GRIK3: variants seen among roughly 807,000 people sequenced by gnomAD.
The protein encoded by GRIK3 is glutamate receptor ionotropic, kainate 3.
In GRIK3, 29 loss-of-function variants were observed where a neutral mutation model predicts 102.5. That is an observed-to-expected ratio of 0.28 (90% CI 0.21 to 0.39). The LOEUF is 0.39. Among genes scored for constraint, GRIK3 ranks in the 10% least tolerant of loss-of-function variants. GRIK3 has a pLI of 1.00. For missense variants in GRIK3, 908 were observed against 1,252.4 expected (o/e 0.73, Z 4.15); for synonymous variants, 511 against 504.9 (o/e 1.01, Z -0.16).
At chr1:36,885,142 T>G (rs1028866250) in intron 2 of GRIK3, among the ~76,000 whole-genome samples, 2 of 152,208 alleles carry the variant, frequency 1.3e-5, no homozygotes, top group African/African-American at 4.8e-5. Flanking sequence ...GATGTTGTGA[T>G]AGTAATGGCG....
chr1:36,881,368 C>G (rs542709705), intron 2 of GRIK3, among the ~76,000 whole-genome samples: 1 of 152,286 alleles, frequency 6.6e-6, no homozygotes, highest in East Asian at 1.9e-4. Context: ...AGTTGGATAT[C>G]TGACATGCAT....
At chr1:36,861,113 C>G (rs1305350913) in intron 5 of GRIK3, among the ~76,000 whole-genome samples, 2 of 152,218 alleles carry the variant, frequency 1.3e-5, no homozygotes, top group Non-Finnish European at 2.9e-5. Context: ...CGCAACCCTA[C>G]CTGAAATACC....
At chr1:36,834,317 G>T (rs1173735038) in intron 10 of GRIK3, among the ~76,000 whole-genome samples, 1 of 152,198 alleles carries the variant, frequency 6.6e-6, no homozygotes, top group Non-Finnish European at 1.5e-5. Context: ...TGCAGTTGGT[G>T]GGGGCAGGGA....
chr1:36,816,942 C>T lies in GRIK3; in HGVS notation c.2091+118G>A, dbSNP rs1250460608. The T allele has an allele frequency of 7.1e-6, 5 of 704,152 alleles. No homozygotes were observed. In the Admixed American group the frequency reaches 9.5e-5, roughly 13 times the overall value. 43.6% of individuals were successfully genotyped at this position (704,152 alleles called of 1,614,324 possible). A position where few individuals can be genotyped will look rare whatever the true frequency, so the allele number is the denominator to read the frequency against. On this transcript the variant is annotated intron_variant, in intron 13 of 15. Coordinates refer to ENST00000373091, the MANE Select transcript of GRIK3 (RefSeq NM_000831.4). ...AAACACGGTGGGGCTGAGAGGGCTT[C>T]TGACCCATTGGCCATGCGTGGTTAG...
intron 7 of GRIK3, among the ~76,000 whole-genome samples, chr1:36,857,122 A>G (rs1282204343): frequency 1.3e-5 from 2 of 152,340 alleles, no homozygotes; most frequent in South Asian, 2.1e-4. Flanking sequence ...AGCTTGTCCA[A>G]GGTTATCCAG....
Position 36,819,728 on chromosome 1 carries a change from G to A in GRIK3, c.1873+8C>T. On this transcript the variant is annotated splice_region_variant and intron_variant, in intron 12 of 15. Coordinates refer to ENST00000373091, the MANE Select transcript of GRIK3 (RefSeq NM_000831.4). This position sits in a 1 kb window ranked among gnomAD's most constrained non-coding sequence, Gnocchi z 4.1. ...CTGGAAGGGGAGGCCCTGGGAGAGG[G>A]TGCATACCTTGCTGCATCAGGGATC... 6.5e-6 allele frequency: 9 copies of A among 1,385,258 alleles called. No homozygotes were observed. The highest frequency in any genetic ancestry group is 1.2e-5 in the South Asian group (1 of 86,358). The allele number at this position is 1,385,258 out of a possible 1,614,324, so 85.8% of individuals were successfully genotyped here. A position where few individuals can be genotyped will look rare whatever the true frequency, so the allele number is the denominator to read the frequency against.
At chr1:36,903,248 G>A (rs1370687552) in intron 1 of GRIK3, among the ~76,000 whole-genome samples, 1 of 152,172 alleles carries the variant, frequency 6.6e-6, no homozygotes, top group Non-Finnish European at 1.5e-5. Context: ...TTGAGGAAAT[G>A]TAAATTAAAA....
intron 1 of GRIK3, among the ~76,000 whole-genome samples, chr1:36,921,814 T>G (rs1641476668): frequency 6.6e-6 from 1 of 152,254 alleles, no homozygotes; most frequent in South Asian, 2.1e-4. Context: ...GAGTTTCCAC[T>G]GAGGACCTGG....
At position 36,910,893 on chromosome 1, in the gene GRIK3, TG is replaced by T. The variant is rs545818601; in HGVS notation, c.116-19798del. 3.0e-4 allele frequency among the ~76,000 whole-genome samples: 46 copies of T among 151,818 alleles called. 2 individuals carry two copies. Among genetic ancestry groups the T allele is most frequent in the African/African-American group, 9.7e-4 (40 of 41,374 alleles). On this transcript the variant is annotated intron_variant, in intron 1 of 15. Coordinates refer to ENST00000373091, the MANE Select transcript of GRIK3 (RefSeq NM_000831.4). ...CTCCTAGCTCAGAACAGGAGGTGAG[TG>T]GGGGGGCATAACTCAAAACGCTGTC...
intron 9 of GRIK3, among the ~76,000 whole-genome samples, chr1:36,846,436 T>G (rs1191218603): frequency 6.6e-6 from 1 of 152,200 alleles, no homozygotes; most frequent in Non-Finnish European, 1.5e-5. Context: ...ACCAGATTCC[T>G]GGGAAAGAAA....
intron 10 of GRIK3, among the ~76,000 whole-genome samples, chr1:36,832,881 C>T (rs1640324942): frequency 6.6e-6 from 1 of 152,218 alleles, no homozygotes; most frequent in Admixed American, 6.5e-5. Context: ...TAGCACAGCC[C>T]AACGGAGCGG....
chr1:36,910,695 G>T (rs567880504), intron 1 of GRIK3, among the ~76,000 whole-genome samples: 1 of 152,340 alleles, frequency 6.6e-6, no homozygotes, highest in African/African-American at 2.4e-5. Context: ...GGAGAGGAAA[G>T]GGAGACGAGG....
intron 10 of GRIK3, among the ~76,000 whole-genome samples, chr1:36,827,834 T>C (rs1417522898): frequency 2.6e-5 from 4 of 152,048 alleles, no homozygotes; most frequent in African/African-American, 9.7e-5. Flanking sequence ...CCAATGTTTC[T>C]CCTTCTAAAG....
intron 1 of GRIK3, among the ~76,000 whole-genome samples, chr1:36,954,333 C>T (rs949332939): frequency 3.3e-5 from 5 of 152,242 alleles, no homozygotes; most frequent in African/African-American, 7.2e-5. Flanking sequence ...GAGCCCAGCA[C>T]ACAGCCTCAG....
intron 1 of GRIK3, among the ~76,000 whole-genome samples, chr1:36,929,532 G>A (rs1366419678): frequency 6.6e-6 from 1 of 152,174 alleles, no homozygotes; most frequent in Non-Finnish European, 1.5e-5. Flanking sequence ...GGCACAAAGG[G>A]TGTCCATCAT....
At chr1:37,009,385 G>A (rs1359469323) in intron 1 of GRIK3, among the ~76,000 whole-genome samples, 1 of 152,228 alleles carries the variant, frequency 6.6e-6, no homozygotes, top group Non-Finnish European at 1.5e-5. Context: ...GGCCAGGCCA[G>A]AGCCTGGGCC....
intron 1 of GRIK3, among the ~76,000 whole-genome samples, chr1:36,911,048 C>T (rs1641340237): frequency 6.6e-6 from 1 of 152,162 alleles, no homozygotes; most frequent in South Asian, 2.1e-4. Context: ...GTGGAAGGAA[C>T]ACAGCAACCA....
chr1:36,935,795 G>A (rs747278568), intron 1 of GRIK3, among the ~76,000 whole-genome samples: 2 of 152,186 alleles, frequency 1.3e-5, no homozygotes, highest in African/African-American at 2.4e-5. Context: ...TCAAAGAATC[G>A]GAAAACTCAA....
At chr1:36,920,619 C>T (rs1185807661) in intron 1 of GRIK3, among the ~76,000 whole-genome samples, 7 of 152,316 alleles carry the variant, frequency 4.6e-5, no homozygotes, top group Admixed American at 1.3e-4. Context: ...CCTACAGTTA[C>T]TGTTGGCCAC....
Sources: allele counts gnomAD v4.1 joint callset (sites outside exome capture counted in the v4.1 genomes callset), GRCh38; gene constraint gnomAD v4.1.1; non-coding constraint Gnocchi (gnomAD v3.1); transcripts MANE v1.5; gene names NCBI Gene and HGNC (gene_info 2026-07-23, HGNC 2026-07-21).